RPS6KA5: variants seen among roughly 807,000 people sequenced by gnomAD.
The protein encoded by RPS6KA5 is ribosomal protein S6 kinase alpha-5.
RPS6KA5 carries 27 observed loss-of-function variants against 85.5 expected under a neutral mutation model. The observed-to-expected ratio is 0.32, with a 90% CI of 0.23 to 0.44. The LOEUF (loss-of-function observed/expected upper bound fraction) is 0.44. Among genes scored for constraint, RPS6KA5 ranks in the 20% least tolerant of loss-of-function variants. The probability of loss-of-function intolerance (pLI) is 1.00; values close to 1 mark genes in which losing one functional copy is unlikely to be tolerated. For missense variants in RPS6KA5, 811 were observed against 980.9 expected (o/e 0.83, Z 2.31); for synonymous variants, 334 against 348.2 (o/e 0.96, Z 0.46).
chr14:91,044,333 GAT>G (rs1426631855), intron 1 of RPS6KA5, among the ~76,000 whole-genome samples: 3 of 95,892 alleles, frequency 3.1e-5, no homozygotes, highest in Non-Finnish European at 4.3e-5. Context: ...GAGAGAGAAA[GAT>G]AGACAAAGAA....
chr14:91,026,957 T>C lies in RPS6KA5; in HGVS notation c.104-25798A>G, dbSNP rs564645162. ...GCGTCTGTTCATGTGTTTTCCGCACTTTTTAATAGGGTTATTTGTTGTTTG... is the reference window on the plus strand; with the variant it reads ...GCGTCTGTTCATGTGTTTTCCGCACCTTTTAATAGGGTTATTTGTTGTTTG... On this transcript the variant is annotated intron_variant, in intron 1 of 16. Coordinates refer to ENST00000614987, the MANE Select transcript of RPS6KA5 (RefSeq NM_004755.4). Among the ~76,000 whole-genome samples, 6 of 152,236 alleles carry C rather than the reference T, an allele frequency of 3.9e-5. No homozygotes were observed. The South Asian group carries it at 8.3e-4, about 21-fold the overall frequency.
At chr14:90,928,955 A>G (rs1359202715) in intron 5 of RPS6KA5, among the ~76,000 whole-genome samples, 2 of 152,066 alleles carry the variant, frequency 1.3e-5, no homozygotes, top group Non-Finnish European at 1.5e-5. Context: ...ATATTAGCAA[A>G]TAAAATCCAG....
chr14:90,913,525 C>T (rs1040997502), intron 7 of RPS6KA5, among the ~76,000 whole-genome samples: 2 of 152,286 alleles, frequency 1.3e-5, no homozygotes, highest in Non-Finnish European at 2.9e-5. Context: ...AGGTCCTCAC[C>T]GCTCTTGTAC....
chr14:90,910,749 G>A (rs1024149670), intron 7 of RPS6KA5, among the ~76,000 whole-genome samples: 2 of 150,988 alleles, frequency 1.3e-5, no homozygotes, highest in African/African-American at 4.9e-5. Flanking sequence ...GCAATGGCGC[G>A]ATCTCAGCTC....
At chr14:90,897,990 T>A (rs527398644) in intron 12 of RPS6KA5, among the ~76,000 whole-genome samples, 1 of 152,314 alleles carries the variant, frequency 6.6e-6, no homozygotes, top group Non-Finnish European at 1.5e-5. Flanking sequence ...GGGAGAGCGG[T>A]TCCCCCTGAG....
chr14:90,885,833 A>G (rs1406704409), intron 14 of RPS6KA5, among the ~76,000 whole-genome samples: 3 of 151,146 alleles, frequency 2.0e-5, no homozygotes, highest in Admixed American at 6.6e-5. Flanking sequence ...CTGGCATGTA[A>G]TAATGCAACA....
chr14:90,955,248 T>C (rs899331736), intron 3 of RPS6KA5, among the ~76,000 whole-genome samples: 7 of 152,194 alleles, frequency 4.6e-5, no homozygotes, highest in African/African-American at 1.2e-4. Flanking sequence ...AGTGTCTTCA[T>C]TGTCTCTTAT....
At chr14:91,034,692 C>G (rs1296211113) in intron 1 of RPS6KA5, among the ~76,000 whole-genome samples, 3 of 152,190 alleles carry the variant, frequency 2.0e-5, no homozygotes, top group Non-Finnish European at 2.9e-5. Flanking sequence ...GCTGTGGAAG[C>G]CTTGTTCTTT....
intron 6 of RPS6KA5, 41 bp downstream of exon 6, chr14:90,923,072 T>G (rs756882581): frequency 7.0e-7 from 1 of 1,424,642 alleles, no homozygotes; most frequent in Non-Finnish European, 9.9e-7. Context: ...TATAGTACAT[T>G]TTATAGAAAT....
At chr14:90,900,002 A>G (rs1239730580) in intron 11 of RPS6KA5, 106 bp downstream of exon 11, 2 of 949,136 alleles carry the variant, frequency 2.1e-6, no homozygotes, top group East Asian at 6.1e-5. Flanking sequence ...ACCTTTGGGT[A>G]AGAAAGTCTT....
At position 90,870,124 on chromosome 14, in the gene RPS6KA5, G is replaced by A. The variant is rs141020038; in HGVS notation, c.*1950C>T. 3 of 152,156 alleles carry A rather than the reference G, an allele frequency of 2.0e-5. No individual in the cohort carries two copies. The highest frequency in any genetic ancestry group is 4.4e-5 in the Non-Finnish European group (3 of 67,988). 9.4% of individuals were successfully genotyped at this position (152,156 alleles called of 1,614,324 possible). ...TTCTATTAGCAACATAGTCCCTTTA[G>A]TTTGTACTTTATAACTAGTATTTTC... On this transcript the variant is annotated 3_prime_UTR_variant, in exon 17 of 17. Transcript: ENST00000614987.
Position 90,870,005 on chromosome 14 carries a change from T to C in RPS6KA5, c.*2069A>G, listed in dbSNP as rs2032996694. 6.6e-6 allele frequency: 1 copy of C among 152,134 alleles called. No individual in the cohort carries two copies. Among genetic ancestry groups the C allele is most frequent in the African/African-American group, 2.4e-5 (1 of 41,432 alleles). 9.4% of individuals were successfully genotyped at this position (152,134 alleles called of 1,614,324 possible). A position where few individuals can be genotyped will look rare whatever the true frequency, so the allele number is the denominator to read the frequency against. ...CCTCCTCAAGAAGAGGCAAGGGAAA[T>C]AAATGAAAATGAAACCCATTAATTT... On this transcript the variant is annotated 3_prime_UTR_variant, in exon 17 of 17. Transcript: ENST00000614987.
intron 1 of RPS6KA5, among the ~76,000 whole-genome samples, chr14:91,015,204 A>T (rs1029388024): frequency 6.6e-6 from 1 of 152,222 alleles, no homozygotes. Flanking sequence ...ACTATTTGAC[A>T]GGTTGGAGAC....
In RPS6KA5 at chr14:90,900,605, A is replaced by G; in HGVS notation, c.1245+6T>C. The G allele has an allele frequency of 1.2e-6, 2 of 1,612,478 alleles. No homozygotes were observed. Among genetic ancestry groups the G allele is most frequent in the Non-Finnish European group, 1.7e-6 (2 of 1,179,490 alleles). Reference sequence around the variant, plus strand: ...ATATGTCATATAAGTTACCACATCTATATACCTTCATCATTGCACTCCTGG... The same window carrying G: ...ATATGTCATATAAGTTACCACATCTGTATACCTTCATCATTGCACTCCTGG... On this transcript the variant is annotated splice_donor_region_variant and intron_variant, in intron 10 of 16. Transcript: ENST00000614987.
At chr14:90,966,919 T>A (rs2140439508) in intron 3 of RPS6KA5, among the ~76,000 whole-genome samples, 1 of 152,318 alleles carries the variant, frequency 6.6e-6, no homozygotes, top group African/African-American at 2.4e-5. Context: ...TTGATGGGCA[T>A]GTCTCAAGTT....
Position 90,900,147 on chromosome 14 carries a change from T to C in RPS6KA5, c.1340A>G (p.Lys447Arg). The C allele has an allele frequency of 6.2e-7, 1 of 1,605,916 alleles. No individual in the cohort carries two copies. The highest frequency in any genetic ancestry group is 8.5e-7 in the Non-Finnish European group (1 of 1,175,652). ...FSICRKCVHK[K>R]SNQAFAVKII... ...TTTGACTGCAAAAGCTTGGTTACTT[T>C]TTTTATGCACACACTTTCGACAAAT... is the stretch of plus-strand genomic sequence containing the variant. The change falls in exon 11 of 17, where the codon AAA (lysine) becomes AGA (arginine). Residue 447 changes from lysine to arginine, a missense_variant. Lys to Arg is a conservative substitution (Grantham distance 26). Transcript: ENST00000614987.
In RPS6KA5 at chr14:90,983,817, G is replaced by GTCTCTCTC. The variant is rs531667852; in HGVS notation, c.176-5301_176-5294dup. Reference sequence around the variant, plus strand: ...TCTCTCTCTCTCTCTCTCTCTCTCTGTCTCTCTCTCTCTCTCTCTCTCTTT... The same window carrying GTCTCTCTC: ...TCTCTCTCTCTCTCTCTCTCTCTCTGTCTCTCTCTCTCTCTCTCTCTCTCTCTCTCTTT... On this transcript the variant is annotated intron_variant, in intron 2 of 16. Coordinates refer to ENST00000614987, the MANE Select transcript of RPS6KA5 (RefSeq NM_004755.4). Among the ~76,000 whole-genome samples the GTCTCTCTC allele has an allele frequency of 1.2e-3, 129 of 111,092 alleles. 3 individuals are homozygous for GTCTCTCTC. The highest frequency in any genetic ancestry group is 4.5e-3 in the South Asian group (14 of 3,078). 72.9% of individuals were successfully genotyped at this position (111,092 alleles called of 152,430 possible). A position where few individuals can be genotyped will look rare whatever the true frequency, so the allele number is the denominator to read the frequency against.
chr14:90,874,737 C>T (rs971609291), intron 15 of RPS6KA5, among the ~76,000 whole-genome samples: 4 of 152,108 alleles, frequency 2.6e-5, no homozygotes, highest in Non-Finnish European at 2.9e-5. Flanking sequence ...ACAAAGGCAA[C>T]GGCAGGTGAA....
chr14:90,902,476 C>A (rs542139147), intron 9 of RPS6KA5, among the ~76,000 whole-genome samples: 9 of 151,868 alleles, frequency 5.9e-5, no homozygotes, highest in Non-Finnish European at 1.0e-4. Flanking sequence ...CAGAGTGAGA[C>A]CCTGTCTATA....
Sources: gnomAD v4.1 joint callset for allele counts (sites outside exome capture counted in the v4.1 genomes callset) on GRCh38, gnomAD v4.1.1 for gene constraint, MANE v1.5 for transcripts, NCBI Gene and HGNC (gene_info 2026-07-23, HGNC 2026-07-21) for gene names.